Variants in CDH23 observed in about 807,000 individuals in gnomAD.
CDH23 encodes the protein cadherin related 23.
In CDH23, 189 loss-of-function variants were observed where a neutral mutation model predicts 317.1. That is an observed-to-expected ratio of 0.60 (90% CI 0.53 to 0.67). The LOEUF is 0.67. Ranked by LOEUF, CDH23 falls within the 30% of genes least tolerant of loss-of-function variation. CDH23 has a pLI of 0.00. For synonymous variants in CDH23, 1,839 were observed against 1,876.8 expected, an observed-to-expected ratio of 0.98 and a Z score of 0.52; for missense variants, 4,401 against 4,592.4, an observed-to-expected ratio of 0.96 and a Z score of 1.20.
chr10:71,656,474 A>G (rs1032588199), intron 14 of CDH23, among the ~76,000 whole-genome samples: 1 of 152,232 alleles, frequency 6.6e-6, no homozygotes, highest in Non-Finnish European at 1.5e-5. Flanking sequence ...AAGGCCTGGA[A>G]TGACAGTGGT....
chr10:71,486,595 G>T (rs1852358960), intron 3 of CDH23, among the ~76,000 whole-genome samples: 1 of 152,180 alleles, frequency 6.6e-6, no homozygotes, highest in South Asian at 2.1e-4. Flanking sequence ...CAGACCTCCA[G>T]CAGAGTAGGA....
intron 6 of CDH23, among the ~76,000 whole-genome samples, chr10:71,513,809 C>G (rs981652118): frequency 6.6e-6 from 1 of 152,166 alleles, no homozygotes; most frequent in Non-Finnish European, 1.5e-5. Flanking sequence ...TGAAACCCAG[C>G]AGGAGAAGGT....
chr10:71,504,354 C>T (rs972082575), intron 3 of CDH23, among the ~76,000 whole-genome samples: 1 of 152,172 alleles, frequency 6.6e-6, no homozygotes, highest in Non-Finnish European at 1.5e-5. Context: ...ATAATGTCCT[C>T]AGGGTTTATC....
At chr10:71,401,150 T>C (rs1400239931) in intron 1 of CDH23, among the ~76,000 whole-genome samples, 1 of 152,158 alleles carries the variant, frequency 6.6e-6, no homozygotes, top group Non-Finnish European at 1.5e-5. Context: ...TTCTTCTGTA[T>C]TCCAGCCTCC....
intron 18 of CDH23, among the ~76,000 whole-genome samples, chr10:71,684,837 G>A (rs950347117): frequency 1.3e-5 from 2 of 152,180 alleles, no homozygotes; most frequent in Non-Finnish European, 2.9e-5. Flanking sequence ...AATAAGTTAA[G>A]TGTTCTGGCT....
intron 2 of CDH23, among the ~76,000 whole-genome samples, chr10:71,440,962 T>G (rs1221470154): frequency 6.6e-6 from 1 of 152,096 alleles, no homozygotes; most frequent in East Asian, 1.9e-4. Context: ...TCCTGCAGCC[T>G]GAGTATCCCT....
chr10:71,739,824 C>T (rs1016624881), intron 36 of CDH23, 52 bp downstream of exon 36: 10 of 1,551,618 alleles, frequency 6.4e-6, no homozygotes, highest in African/African-American at 4.1e-5. Flanking sequence ...GTGCCTAGAC[C>T]GGTCACTACT....
rs772949926 is a variant in CDH23, at chr10:71,799,628, C to T, written c.7361C>T (p.Thr2454Met). Residue 2454 changes from threonine to methionine, a missense_variant and splice_region_variant, in exon 52 of 70, where the codon ACG becomes ATG. Thr to Met is a moderately conservative substitution (Grantham distance 81, BLOSUM62 -1). Coordinates refer to ENST00000224721, the MANE Select transcript of CDH23 (RefSeq NM_022124.6). ...GESKFAINPT[T>M]GDIYVLSSLD... ...AGCAAGTTTGCCATCAACCCCACCA[C>T]GGTGAGCAGTGATGGAGGGCCTGGA... is the stretch of plus-strand genomic sequence containing the variant. 7.1e-5 allele frequency: 115 copies of T among 1,613,906 alleles called. No individual in the cohort carries two copies. The highest frequency in any genetic ancestry group is 3.3e-4 in the Middle Eastern group (2 of 6,082).
intron 11 of CDH23, among the ~76,000 whole-genome samples, chr10:71,636,347 C>G (rs1202292170): frequency 6.6e-6 from 1 of 152,012 alleles, no homozygotes; most frequent in Non-Finnish European, 1.5e-5. Context: ...TAGGGAGACC[C>G]CATCTCTGCA....
At chr10:71,785,186 A>G in intron 43 of CDH23, 86 bp downstream of exon 43, 2 of 1,147,762 alleles carry the variant, frequency 1.7e-6, no homozygotes, top group South Asian at 1.4e-5. Context: ...TGCTGCCACC[A>G]TCTGGGCTCC....
intron 14 of CDH23, among the ~76,000 whole-genome samples, chr10:71,670,961 CTTTTT>C (rs762870565): frequency 5.4e-4 from 70 of 128,584 alleles, no homozygotes; most frequent in African/African-American, 1.9e-3. Context: ...GATTTGGCAT[CTTTTT>C]TTTTTTTTTT....
At chr10:71,601,980 C>T (rs1245492633) in intron 9 of CDH23, among the ~76,000 whole-genome samples, 1 of 151,418 alleles carries the variant, frequency 6.6e-6, no homozygotes, top group Non-Finnish European at 1.5e-5. Flanking sequence ...GGCTCTGCAG[C>T]CCCCAGGGGA....
chr10:71,702,064 G>C lies in CDH23; in HGVS notation c.2440G>C (p.Val814Leu), dbSNP rs1238266145. The change falls in exon 23 of 70, where the codon GTG (valine) becomes CTG (leucine). Residue 814 changes from valine (V) to leucine (L), a missense_variant. Transcript: ENST00000224721. ...DPDLGENGTLVYSIQPPNKFY... is the reference protein window; with the variant it reads ...DPDLGENGTLLYSIQPPNKFY... ...AGACCTGGGGGAGAATGGCACCCTG[G>C]TGTACAGCATCCAGCCACCCAACAA... The C allele has an allele frequency of 2.5e-6, 4 of 1,613,862 alleles. No homozygotes were observed. The African/African-American group carries it at 4.0e-5, about 16-fold the overall frequency.
chr10:71,719,929 G>C (rs1029221177), intron 28 of CDH23: 1 of 152,826 alleles, frequency 6.5e-6, no homozygotes, highest in Non-Finnish European at 1.5e-5. Context: ...ATGCCCCCTG[G>C]CCTTCCCACC....
intron 14 of CDH23, among the ~76,000 whole-genome samples, chr10:71,668,683 A>G (rs767609510): frequency 3.9e-5 from 6 of 152,196 alleles, no homozygotes; most frequent in Non-Finnish European, 8.8e-5. Flanking sequence ...TAAGTGCTCA[A>G]AACGAAATGT....
intron 51 of CDH23, 85 bp downstream of exon 51, chr10:71,799,365 C>A (rs186647551): frequency 1.7e-4 from 265 of 1,604,664 alleles, no homozygotes; most frequent in Non-Finnish European, 2.1e-4. Context: ...ACCCTGCCAG[C>A]CTCTAAGCCC....
intron 34 of CDH23, among the ~76,000 whole-genome samples, chr10:71,734,938 G>T (rs983148631): frequency 5.3e-5 from 8 of 152,212 alleles, no homozygotes; most frequent in African/African-American, 1.9e-4. Context: ...ACCACTGAGG[G>T]CTCATCCCAG....
At chr10:71,767,153 C>A (rs1460442934) in intron 38 of CDH23, among the ~76,000 whole-genome samples, 1 of 152,214 alleles carries the variant, frequency 6.6e-6, no homozygotes, top group East Asian at 1.9e-4. Context: ...GGGAAAGGAG[C>A]TCTTGTTGGC....
intron 38 of CDH23, chr10:71,755,407 G>A (rs769610380): frequency 1.2e-6 from 2 of 1,613,374 alleles, no homozygotes; most frequent in African/African-American, 1.3e-5. Flanking sequence ...AGCAGGATGA[G>A]GGGGAGGCAG....
Sources: gnomAD v4.1 joint callset for allele counts (sites outside exome capture counted in the v4.1 genomes callset) on GRCh38, gnomAD v4.1.1 for gene constraint, MANE v1.5 for transcripts, NCBI Gene and HGNC (gene_info 2026-07-23, HGNC 2026-07-21) for gene names.